C4orf36: variants seen among roughly 807,000 people sequenced by gnomAD.
The protein encoded by C4orf36 is uncharacterized protein C4orf36.
In C4orf36, 11 loss-of-function variants were observed where a neutral mutation model predicts 12.2. The ratio of observed to expected loss-of-function variants is 0.90; its 90% confidence interval spans 0.57 to 1.49. The LOEUF is 1.49. C4orf36 is among the 40% of genes most tolerant of loss of function. C4orf36 has a pLI of 0.00. For synonymous variants in C4orf36, 54 were observed against 51.3 expected (o/e 1.05, Z -0.22); for missense variants, 137 against 133.9 (o/e 1.02, Z -0.11).
Position 86,888,163 on chromosome 4 carries a change from T to C in C4orf36, c.178A>G (p.Lys60Glu), listed in dbSNP as rs781359816. The part of the protein sequence containing the change: ...ISFGGSVQLT[K>E]CTTIKDGLLP... ...AGTCCATCTTTAATGGTGGTACATT[T>C]TGTGAGCTGCACAGAACCACCAAAT... The change falls in exon 3 of 5, where the codon AAA becomes GAA. Residue 60 changes from lysine (K) to glutamate (E), a missense_variant. Physicochemically the swap from Lys to Glu is moderately conservative, Grantham distance 56. Coordinates refer to ENST00000295898, the MANE Select transcript of C4orf36 (RefSeq NM_144645.4). The C allele has an allele frequency of 6.2e-7, 1 of 1,614,142 alleles. No individual in the cohort carries two copies. The highest frequency in any genetic ancestry group is 8.5e-7 in the Non-Finnish European group (1 of 1,180,000).
intron 4 of C4orf36, among the ~76,000 whole-genome samples, chr4:86,881,761 C>A (rs537811605): frequency 6.6e-6 from 1 of 152,056 alleles, no homozygotes; most frequent in Middle Eastern, 3.4e-3. Context: ...GCAACCTCCA[C>A]CTCCTGGGTT....
the C4orf36 span, among the ~76,000 whole-genome samples, chr4:86,910,524 A>G: frequency 6.6e-6 from 1 of 152,108 alleles, no homozygotes; most frequent in Non-Finnish European, 1.5e-5. Flanking sequence ...GCTTAGGTAG[A>G]AATGTGAAAA....
intron 4 of C4orf36, among the ~76,000 whole-genome samples, chr4:86,885,993 G>T (rs1343815905): frequency 6.6e-6 from 1 of 152,174 alleles, no homozygotes; most frequent in Non-Finnish European, 1.5e-5. Flanking sequence ...TTATATGCTG[G>T]ATTACGTTTA....
intron 4 of C4orf36, 193 bp downstream of exon 4, chr4:86,887,565 A>T: frequency 4.0e-6 from 2 of 504,444 alleles, no homozygotes; most frequent in Non-Finnish European, 3.4e-6. Flanking sequence ...GTCGTTTGTG[A>T]CACAAGGAAC....
the C4orf36 span, among the ~76,000 whole-genome samples, chr4:86,922,663 G>A: frequency 1.3e-5 from 2 of 152,098 alleles, no homozygotes; most frequent in Non-Finnish European, 2.9e-5. Flanking sequence ...GAGTTCCATT[G>A]GCACTCACTC....
chr4:86,927,017 G>A, the C4orf36 span, among the ~76,000 whole-genome samples: 101 of 152,268 alleles, frequency 6.6e-4, 2 homozygotes, highest in East Asian at 0.017. Context: ...TAATAGCAGA[G>A]TTGAGTAGTT....
chr4:86,912,939 TTTTAA>T, the C4orf36 span, among the ~76,000 whole-genome samples: 1 of 152,056 alleles, frequency 6.6e-6, no homozygotes, highest in Non-Finnish European at 1.5e-5. Context: ...CACATTCAGT[TTTTAA>T]TTTAATTTTC....
chr4:86,892,218 C>T lies in C4orf36; in HGVS notation c.-109G>A, dbSNP rs1018379997. 2 of 985,522 alleles carry T rather than the reference C, an allele frequency of 2.0e-6. No individual in the cohort carries two copies. 61.0% of individuals were successfully genotyped at this position (985,522 alleles called of 1,614,324 possible). Reference sequence around the variant, plus strand: ...CCCTGCCTCCGACTCGCCAGGAATGCGCTGTGTGCGCGGGGCTTCCAGGGT... The same window carrying T: ...CCCTGCCTCCGACTCGCCAGGAATGTGCTGTGTGCGCGGGGCTTCCAGGGT... On this transcript the variant is annotated 5_prime_UTR_variant, in exon 1 of 5. Coordinates refer to ENST00000295898, the MANE Select transcript of C4orf36 (RefSeq NM_144645.4).
the C4orf36 span, among the ~76,000 whole-genome samples, chr4:86,904,415 G>A: frequency 1.2e-4 from 18 of 152,262 alleles, no homozygotes; most frequent in African/African-American, 4.1e-4. Flanking sequence ...CGCCAAGGCC[G>A]AGGAGGCGCG....
At chr4:86,924,633 A>C in the C4orf36 span, 1 of 152,276 alleles carries the variant, frequency 6.6e-6, no homozygotes, top group Non-Finnish European at 1.5e-5. Flanking sequence ...ATGGGCCACC[A>C]CACCCAGCCT....
intron 4 of C4orf36, among the ~76,000 whole-genome samples, chr4:86,884,769 C>A (rs1027209300): frequency 6.6e-6 from 1 of 152,164 alleles, no homozygotes; most frequent in Non-Finnish European, 1.5e-5. Context: ...GACATGAAGT[C>A]CTTGCCCATG....
At chr4:86,914,087 C>T in the C4orf36 span, 1 of 1,608,686 alleles carries the variant, frequency 6.2e-7, no homozygotes, top group Non-Finnish European at 8.5e-7. Context: ...TTTTAATGTG[C>T]TTGCTCACCC....
chr4:86,904,957 C>T, the C4orf36 span, among the ~76,000 whole-genome samples: 81 of 152,156 alleles, frequency 5.3e-4, no homozygotes, highest in African/African-American at 1.8e-3. Context: ...AAATGAGGGG[C>T]GGTTGCGGTA....
intron 4 of C4orf36, chr4:86,886,343 G>A (rs991736835): frequency 6.6e-6 from 1 of 152,072 alleles, no homozygotes; most frequent in African/African-American, 2.4e-5. Flanking sequence ...TACAGAATGG[G>A]AGAAAATTTT....
the C4orf36 span, among the ~76,000 whole-genome samples, chr4:86,904,327 G>A: frequency 1.3e-5 from 2 of 152,200 alleles, no homozygotes; most frequent in Middle Eastern, 3.2e-3. Context: ...AGCCGGCTCC[G>A]GCCTCGGCCA....
At chr4:86,891,410 C>A (rs758694544) in intron 2 of C4orf36, 46 bp downstream of exon 2, 1 of 1,565,956 alleles carries the variant, frequency 6.4e-7, no homozygotes, top group Non-Finnish European at 8.7e-7. Flanking sequence ...CACTCCCCAC[C>A]GCAGTCAATG....
intron 1 of C4orf36, 64 bp from the exon 2 acceptor site, chr4:86,891,657 G>GA (rs35305216): frequency 0.42 from 584,672 of 1,394,046 alleles, 129,354 homozygotes; most frequent in Non-Finnish European, 0.45. Context: ...CCAAATAATA[G>GA]AAAAAAATTC....
chr4:86,925,887 T>G, the C4orf36 span: 1 of 148,828 alleles, frequency 6.7e-6, no homozygotes, highest in African/African-American at 2.5e-5. Flanking sequence ...TTTTTTTTTT[T>G]TTTTTCTGAG....
chr4:86,887,735 T>C, intron 4 of C4orf36, 23 bp downstream of exon 4: 1 of 1,613,886 alleles, frequency 6.2e-7, no homozygotes, highest in Non-Finnish European at 8.5e-7. Flanking sequence ...AGACACAGAG[T>C]ACAGATTCAA....
Sources: allele counts gnomAD v4.1 joint callset (sites outside exome capture counted in the v4.1 genomes callset), GRCh38; gene constraint gnomAD v4.1.1; transcripts MANE v1.5; gene names NCBI Gene and HGNC (gene_info 2026-07-23, HGNC 2026-07-21).